Variants in DNAH10 observed in about 807,000 individuals in gnomAD.
The protein encoded by DNAH10 is axonemal beta dynein heavy chain 10.
Under a neutral mutation model 506.6 loss-of-function variants are expected in DNAH10, and 348 were observed. That is an observed-to-expected ratio of 0.69 (90% CI 0.63 to 0.75). DNAH10 has a LOEUF of 0.75. Ranked by LOEUF, DNAH10 falls within the 30% of genes least tolerant of loss-of-function variation. The pLI is 0.00. For synonymous variants in DNAH10, 2,059 were observed against 2,198.6 expected, an observed-to-expected ratio of 0.94 and a Z score of 1.78; for missense variants, 5,179 against 5,787.1, an observed-to-expected ratio of 0.89 and a Z score of 3.41.
chr12:123,896,763 T>A (rs1349413902), intron 54 of DNAH10, among the ~76,000 whole-genome samples: 1 of 151,976 alleles, frequency 6.6e-6, no homozygotes, highest in East Asian at 1.9e-4. Context: ...ATCACTGCTG[T>A]GGCCCTGAAA....
chr12:123,790,020 G>A lies in DNAH10; in HGVS notation c.1714G>A (p.Gly572Ser), dbSNP rs143737268. The part of the protein sequence containing the change: ...RIDDVLCRVD[G>S]LVTPMENLTF... ...TGATGATGTCCTATGCAGAGTGGAC[G>A]GCCTAGTCACCCCCATGGAAAACCT... The change falls in exon 11 of 79, where the codon GGC (glycine) becomes AGC (serine). Residue 572 changes from glycine (G) to serine (S), a missense_variant. Around this residue, in one of 3 missense-constraint regions of DNAH10, gnomAD observed 4,844 missense variants for 5,430.5 expected, o/e 0.89. Coordinates refer to ENST00000673944, the MANE Select transcript of DNAH10 (RefSeq NM_001372106.1). The A allele has an allele frequency of 1.7e-5, 27 of 1,614,026 alleles. No homozygotes were observed. In the African/African-American group the frequency reaches 2.8e-4, roughly 17 times the overall value.
rs767451598 is a variant in DNAH10, at chr12:123,898,734, C to A, written c.9560C>A (p.Ala3187Asp). The stretch of plus-strand genomic sequence containing the variant: ...CTGGACGAGCTGAACCAGAAGCTGG[C>A]CGAGCAGAAGATCGTGCTGGCGGAG... ...IQLDELNQKL[A>D]EQKIVLAEKS... is the part of the protein sequence containing the mutation. Residue 3187 changes from alanine to aspartate, a missense_variant, in exon 56 of 79, where the codon GCC (alanine) becomes GAC (aspartate). Ala to Asp is a moderately radical substitution (Grantham distance 126). Transcript: ENST00000673944. 6.2e-6 allele frequency: 10 copies of A among 1,609,592 alleles called. No individual in the cohort carries two copies. The highest frequency in any genetic ancestry group is 1.6e-4 in the Middle Eastern group (1 of 6,078).
intron 38 of DNAH10, among the ~76,000 whole-genome samples, chr12:123,859,773 C>T (rs1951544717): frequency 6.6e-6 from 1 of 152,122 alleles, no homozygotes; most frequent in Non-Finnish European, 1.5e-5. Flanking sequence ...GTGGCTCACG[C>T]CTGTAATCCC....
intron 37 of DNAH10, 118 bp from the exon 38 acceptor site, chr12:123,859,032 A>G: frequency 1.1e-6 from 1 of 937,582 alleles, no homozygotes; most frequent in South Asian, 1.6e-5. Context: ...AATATACTGG[A>G]AACCATTGAC....
chr12:123,804,086 C>A (rs1958569689), intron 17 of DNAH10, among the ~76,000 whole-genome samples: 1 of 152,116 alleles, frequency 6.6e-6, no homozygotes, highest in Non-Finnish European at 1.5e-5. Flanking sequence ...GAGACGAGGG[C>A]TCACTATGTT....
rs776774116 is a variant in DNAH10, at chr12:123,787,886, C to T, written c.1504C>T (p.Arg502Trp). The T allele has an allele frequency of 3.7e-6, 6 of 1,613,478 alleles. 1 individual carries two copies. In the South Asian group the frequency reaches 4.4e-5, roughly 12 times the overall value. Reference sequence around the variant, plus strand: ...GTGGAAAAAGGCCTATTTTGACACCCGGGCCAAGATAGAGGCTTCGGGGAG... The same window carrying T: ...GTGGAAAAAGGCCTATTTTGACACCTGGGCCAAGATAGAGGCTTCGGGGAG... ...RLWKKAYFDT[R>W]AKIEASGRED... The change falls in exon 10 of 79, where the codon CGG (arginine) becomes TGG (tryptophan). Residue 502 changes from arginine (R) to tryptophan (W), a missense_variant. By Grantham distance (101) the Arg-to-Trp change is moderately radical (BLOSUM62 -3). This residue lies in a region of DNAH10 where 4,844 missense variants were observed against 5,430.5 expected (regional missense o/e 0.89). Transcript: ENST00000673944. The surrounding 1 kb of genome is among the most constrained non-coding windows in gnomAD (Gnocchi z 4.6).
At chr12:123,887,503 G>A (rs1051838791) in intron 52 of DNAH10, among the ~76,000 whole-genome samples, 190 bp downstream of exon 52, 1 of 152,100 alleles carries the variant, frequency 6.6e-6, no homozygotes, top group East Asian at 1.9e-4. Flanking sequence ...GGAGTCTCCC[G>A]AGTGTGCCCC....
Position 123,772,877 on chromosome 12 carries a change from T to C in DNAH10, c.440T>C (p.Leu147Pro). ...ATGGAAAAGATGCATCTCCACATGC[T>C]CTGTACCCCTCTTCCCGAGGAGTTC... Reference protein sequence around the residue: ...HIMEKMHLHMLCTPLPEEFLD... With the variant: ...HIMEKMHLHMPCTPLPEEFLD... Residue 147 changes from leucine to proline, a missense_variant, in exon 4 of 79, where the codon CTC (leucine) becomes CCC (proline). Leu to Pro is a moderately conservative substitution (Grantham distance 98). Transcript: ENST00000673944. 2 of 1,612,686 alleles carry C rather than the reference T, an allele frequency of 1.2e-6. No homozygotes were observed. Among genetic ancestry groups the C allele is most frequent in the Non-Finnish European group, 1.7e-6 (2 of 1,179,496 alleles).
chr12:123,877,839 TC>T lies in DNAH10; in HGVS notation c.8305del (p.His2769IlefsTer31). The T allele has an allele frequency of 6.2e-7, 1 of 1,614,042 alleles. No homozygotes were observed. ...VQDLPPTPSK[F>X]HYIFNLRDLS... Reference sequence around the variant, plus strand: ...GACCTACCTCCCACTCCGTCAAAGTTCCATTACATCTTCAACCTTCGAGATC... The same window carrying T: ...GACCTACCTCCCACTCCGTCAAAGTTCATTACATCTTCAACCTTCGAGATC... On this transcript the variant is annotated frameshift_variant, in exon 48 of 79. Coordinates refer to ENST00000673944, the MANE Select transcript of DNAH10 (RefSeq NM_001372106.1). LOFTEE classifies it high-confidence loss of function.
intron 40 of DNAH10, among the ~76,000 whole-genome samples, chr12:123,865,423 T>C (rs181813864): frequency 6.6e-6 from 1 of 152,306 alleles, no homozygotes; most frequent in East Asian, 1.9e-4. Flanking sequence ...ATTAATGCCA[T>C]TTCTAACTGT....
Position 123,784,144 on chromosome 12 carries a change from G to A in DNAH10, c.1197G>A (p.Val399=). 1 of 1,614,234 alleles carries A rather than the reference G, an allele frequency of 6.2e-7. No individual in the cohort carries two copies. The highest frequency in any genetic ancestry group is 1.1e-5 in the South Asian group (1 of 91,088). The part of the protein sequence containing the change: ...FKFHTEASDN[V]RFLSTVERYF... ...TCCACACGGAGGCCTCAGACAATGT[G>A]CGCTTTCTCTCCACCGTGGAGCGTT... Residue 399 remains valine, a synonymous_variant, in exon 8 of 79, where the codon GTG becomes GTA. Transcript: ENST00000673944.
At chr12:123,828,769 A>G (rs567828041) in intron 25 of DNAH10, among the ~76,000 whole-genome samples, 1 of 152,300 alleles carries the variant, frequency 6.6e-6, no homozygotes, top group South Asian at 2.1e-4. Context: ...ATTTCCTTAA[A>G]ATGCATGGGC....
At position 123,793,927 on chromosome 12, in the gene DNAH10, T is replaced by C. The variant is rs947206728; in HGVS notation, c.1816-15T>C. On this transcript the variant is annotated splice_polypyrimidine_tract_variant and intron_variant, in intron 11 of 78. Transcript: ENST00000673944. ...TTACAGGGGCATGAGGGTTGTTTTGTTGATTTTTTTGCAGGTTATTGAGAA... is the reference window on the plus strand; with the variant it reads ...TTACAGGGGCATGAGGGTTGTTTTGCTGATTTTTTTGCAGGTTATTGAGAA... 3.1e-5 allele frequency: 37 copies of C among 1,202,318 alleles called. No individual in the cohort carries two copies. The highest frequency in any genetic ancestry group is 2.0e-4 in the African/African-American group (13 of 63,576). The allele number at this position is 1,202,318 out of a possible 1,614,324, so 74.5% of individuals were successfully genotyped here.
In DNAH10 at chr12:123,785,625, T is replaced by C; in HGVS notation, c.1231-121T>C. On this transcript the variant is annotated intron_variant, in intron 8 of 78. Transcript: ENST00000673944. This position sits in a 1 kb window ranked among gnomAD's most constrained non-coding sequence, Gnocchi z 4.1. ...TTGCACTCCAGCCTGGGCACCAGAC[T>C]TGGTCTCAAGGAAAAAAAAAAAAAA... 3 of 957,308 alleles carry C rather than the reference T, an allele frequency of 3.1e-6. No homozygotes were observed. 59.3% of individuals were successfully genotyped at this position (957,308 alleles called of 1,614,324 possible).
intron 1 of DNAH10, among the ~76,000 whole-genome samples, chr12:123,765,049 G>C (rs935492171): frequency 7.2e-5 from 11 of 151,992 alleles, no homozygotes; most frequent in African/African-American, 2.2e-4. Flanking sequence ...AGGACCTGCA[G>C]AGAGCCCAGC....
intron 12 of DNAH10, among the ~76,000 whole-genome samples, 198 bp from the exon 13 acceptor site, chr12:123,796,455 TCAA>T (rs34059604): frequency 1.3e-5 from 2 of 151,576 alleles, no homozygotes; most frequent in South Asian, 2.1e-4. Context: ...AGACTCTGCC[TCAA>T]CAACAACAAC....
chr12:123,772,403 G>T (rs1957287713), intron 3 of DNAH10, among the ~76,000 whole-genome samples: 1 of 152,204 alleles, frequency 6.6e-6, no homozygotes, highest in Non-Finnish European at 1.5e-5. Context: ...AAGACGTTTG[G>T]CATGTGTGGG....
Position 123,799,189 on chromosome 12 carries a change from G to GCCGTA in DNAH10, c.2164-57_2164-56insCCGTA. The GCCGTA allele has an allele frequency of 5.7e-6, 7 of 1,220,156 alleles. No individual in the cohort carries two copies. The South Asian group carries it at 8.3e-5, about 14-fold the overall frequency. The allele number at this position is 1,220,156 out of a possible 1,614,324, so 75.6% of individuals were successfully genotyped here. ...TTTGTATAAATTATCTGTGTAGAGCGAGATGAAAAATGTTATTTTCAAGGA... is the reference window on the plus strand; with the variant it reads ...TTTGTATAAATTATCTGTGTAGAGCGCCGTAAGATGAAAAATGTTATTTTCAAGGA... On this transcript the variant is annotated intron_variant, in intron 13 of 78. Coordinates refer to ENST00000673944, the MANE Select transcript of DNAH10 (RefSeq NM_001372106.1).
chr12:123,796,884 T>C (rs779752678), intron 13 of DNAH10, 52 bp downstream of exon 13: 2 of 1,519,366 alleles, frequency 1.3e-6, no homozygotes, highest in South Asian at 2.6e-5. Context: ...TTTTTTTTTT[T>C]TTTTGAGATG....
Sources: allele counts gnomAD v4.1 joint callset (sites outside exome capture counted in the v4.1 genomes callset), GRCh38; gene constraint gnomAD v4.1.1; regional missense constraint gnomAD v4.1.1; non-coding constraint Gnocchi (gnomAD v3.1); transcripts MANE v1.5; gene names NCBI Gene and HGNC (gene_info 2026-07-23, HGNC 2026-07-21).